Variants in CYP51A1 observed in about 807,000 individuals in gnomAD.
The protein encoded by CYP51A1 is lanosterol 14-alpha demethylase.
Under a neutral mutation model 53.5 loss-of-function variants are expected in CYP51A1, and 45 were observed. The ratio of observed to expected loss-of-function variants is 0.84; its 90% CI spans 0.66 to 1.08. The LOEUF (loss-of-function observed/expected upper bound fraction) is 1.08, where lower values mean the gene tolerates loss of function less well. Ranked by LOEUF, CYP51A1 falls within the 50% of genes least tolerant of loss-of-function variation. The probability of loss-of-function intolerance (pLI) is 0.00; values close to 1 mark genes in which losing one functional copy is unlikely to be tolerated. For synonymous variants in CYP51A1, 181 were observed against 217.7 expected, an observed-to-expected ratio of 0.83 and a Z score of 1.48; for missense variants, 462 against 621.7, an observed-to-expected ratio of 0.74 and a Z score of 2.73.
chr7:92,116,851 T>G (rs192129814), intron 9 of CYP51A1, among the ~76,000 whole-genome samples, 193 bp downstream of exon 9: 8 of 152,318 alleles, frequency 5.3e-5, no homozygotes, highest in African/African-American at 1.9e-4. Context: ...TATAAGGATT[T>G]ATGGAACAAT....
chr7:92,131,736 G>GTTTTT, intron 2 of CYP51A1, 38 bp downstream of exon 2: 4 of 873,174 alleles, frequency 4.6e-6, no homozygotes, highest in Admixed American at 2.7e-5. Context: ...TTCTCTAGTT[G>GTTTTT]TTTTTTTTTT....
intron 8 of CYP51A1, 23 bp downstream of exon 8, chr7:92,118,497 G>A (rs1819622562): frequency 1.6e-6 from 2 of 1,272,942 alleles, no homozygotes; most frequent in African/African-American, 1.5e-5. Flanking sequence ...GTATAGAGGG[G>A]AAGATGTAGC....
At chr7:92,128,428 C>CTCTCTGTGTGTGTGTGTGTG (rs112952169) in intron 3 of CYP51A1, among the ~76,000 whole-genome samples, 3 of 143,044 alleles carry the variant, frequency 2.1e-5, no homozygotes, top group African/African-American at 5.2e-5. Flanking sequence ...TGGTTGGTTT[C>CTCTCTGTGTGTGTGTGTGTG]TGTGTGTGTG....
chr7:92,127,467 G>A (rs1206216164), intron 4 of CYP51A1, 38 bp downstream of exon 4: 2 of 1,582,254 alleles, frequency 1.3e-6, no homozygotes, highest in Non-Finnish European at 8.6e-7. Context: ...TCACAGAGAA[G>A]TAGAAATGTT....
rs1819473531 is a variant in CYP51A1, at chr7:92,112,891, G to C, written c.*774C>G. 6.6e-6 allele frequency: 1 copy of C among 150,740 alleles called. No individual in the cohort carries two copies. The highest frequency in any genetic ancestry group is 1.5e-5 in the Non-Finnish European group (1 of 67,908). The allele number at this position is 150,740 out of a possible 1,614,324, so 9.3% of individuals were successfully genotyped here. A position where few individuals can be genotyped will look rare whatever the true frequency, so the allele number is the denominator to read the frequency against. On this transcript the variant is annotated 3_prime_UTR_variant, in exon 10 of 10. Coordinates refer to ENST00000003100, the MANE Select transcript of CYP51A1 (RefSeq NM_000786.4). ...AGCCAAAACAAAATTATCCCCTAAG[G>C]ACTTGACTTTGGACTTCCACATAAA...
intron 2 of CYP51A1, 29 bp from the exon 3 acceptor site, chr7:92,129,085 G>A: frequency 6.8e-7 from 1 of 1,481,122 alleles, no homozygotes; most frequent in Non-Finnish European, 9.1e-7. Flanking sequence ...ATATAGTGAT[G>A]TTACAAAAAA....
intron 7 of CYP51A1, among the ~76,000 whole-genome samples, chr7:92,121,535 T>C (rs1819694075): frequency 1.3e-5 from 2 of 152,180 alleles, no homozygotes; most frequent in African/African-American, 4.8e-5. Flanking sequence ...TAGAGCGGCA[T>C]TATTCATAAT....
In CYP51A1 at chr7:92,123,130, G is replaced by C. The variant is rs1237119184; in HGVS notation, c.1076C>G (p.Thr359Ser). 1.2e-6 allele frequency: 2 copies of C among 1,612,334 alleles called. No individual in the cohort carries two copies. The highest frequency in any genetic ancestry group is 8.5e-7 in the Non-Finnish European group (1 of 1,178,758). Residue 359 changes from threonine to serine, a missense_variant, in exon 7 of 10, where the codon ACT becomes AGT. Physicochemically the swap from Thr to Ser is moderately conservative, Grantham distance 58. Transcript: ENST00000003100. ...TVCGENLPPL[T>S]YDQLKDLNLL... ...AAAAATCCAACAAACCTGGTCATAA[G>C]TTAAAGGAGGCAGATTCTCTCCACA...
chr7:92,127,656 T>A, intron 3 of CYP51A1, 25 bp from the exon 4 acceptor site: 2 of 1,612,248 alleles, frequency 1.2e-6, no homozygotes, highest in Non-Finnish European at 1.7e-6. Flanking sequence ...AAAACGGGGA[T>A]ACGGCATTAA....
At position 92,113,286 on chromosome 7, in the gene CYP51A1, T is replaced by C. The variant is rs767215174; in HGVS notation, c.*379A>G. On this transcript the variant is annotated 3_prime_UTR_variant, in exon 10 of 10. Coordinates refer to ENST00000003100, the MANE Select transcript of CYP51A1 (RefSeq NM_000786.4). ...AGTATCTCACTGGGATTTTTATTCTTTATACCTTGCAGGACTAGTCCAAGA... is the reference window on the plus strand; with the variant it reads ...AGTATCTCACTGGGATTTTTATTCTCTATACCTTGCAGGACTAGTCCAAGA... The C allele has an allele frequency of 7.2e-5, 12 of 166,494 alleles. No homozygotes were observed. Among genetic ancestry groups the C allele is most frequent in the Non-Finnish European group, 7.7e-5 (6 of 78,178 alleles). 10.3% of individuals were successfully genotyped at this position (166,494 alleles called of 1,614,324 possible).
At chr7:92,122,978 G>C (rs1317774657) in intron 7 of CYP51A1, 142 bp downstream of exon 7, 2 of 639,458 alleles carry the variant, frequency 3.1e-6, no homozygotes, top group Non-Finnish European at 5.5e-6. Context: ...TTTTAGGTAA[G>C]GTTATAGGGA....
At chr7:92,116,710 G>A (rs948147592) in intron 9 of CYP51A1, among the ~76,000 whole-genome samples, 6 of 152,150 alleles carry the variant, frequency 3.9e-5, no homozygotes, top group Non-Finnish European at 7.3e-5. Context: ...CCTGAATGGT[G>A]TGCTGACTCC....
At chr7:92,131,161 G>A (rs1371886239) in intron 2 of CYP51A1, among the ~76,000 whole-genome samples, 1 of 152,218 alleles carries the variant, frequency 6.6e-6, no homozygotes, top group Non-Finnish European at 1.5e-5. Flanking sequence ...AAGATCCAAT[G>A]AGGTCAAAGA....
At chr7:92,122,947 A>G (rs191735660) in intron 7 of CYP51A1, among the ~76,000 whole-genome samples, 173 bp downstream of exon 7, 2 of 152,234 alleles carry the variant, frequency 1.3e-5, no homozygotes, top group Non-Finnish European at 2.9e-5. Flanking sequence ...CTTAATGGCA[A>G]GAAGCAATAA....
intron 7 of CYP51A1, among the ~76,000 whole-genome samples, chr7:92,120,579 G>A (rs571919209): frequency 9.2e-5 from 14 of 152,200 alleles, no homozygotes; most frequent in East Asian, 3.9e-4. Flanking sequence ...GTGCCACTGC[G>A]CCTGGCTATA....
intron 8 of CYP51A1, 187 bp from the exon 9 acceptor site, chr7:92,117,399 AC>A: frequency 2.0e-6 from 1 of 509,642 alleles, no homozygotes; most frequent in Non-Finnish European, 3.4e-6. Flanking sequence ...TAAATCAAGA[AC>A]CATCTGTACA....
At chr7:92,128,428 C>CTCTGTGTGTGTG (rs112952169) in intron 3 of CYP51A1, among the ~76,000 whole-genome samples, 2,654 of 143,082 alleles carry the variant, frequency 0.019, 90 homozygotes, top group African/African-American at 0.044. Flanking sequence ...TGGTTGGTTT[C>CTCTGTGTGTGTG]TGTGTGTGTG....
Position 92,134,453 on chromosome 7 carries a change from G to C in CYP51A1, c.-89C>G, listed in dbSNP as rs1357351271. 4.3e-6 allele frequency: 6 copies of C among 1,388,586 alleles called. No homozygotes were observed. In the African/African-American group the frequency reaches 5.9e-5, roughly 14 times the overall value. The allele number at this position is 1,388,586 out of a possible 1,614,324, so 86.0% of individuals were successfully genotyped here. On this transcript the variant is annotated 5_prime_UTR_variant, in exon 1 of 10. Transcript: ENST00000003100. ...GAAGCTGGCAGATGGTCGTCCACAG[G>C]GGGCCTTGCCCCAGGTCTCCTACTA...
intron 9 of CYP51A1, among the ~76,000 whole-genome samples, chr7:92,114,750 A>G (rs1217352456): frequency 6.6e-6 from 1 of 152,222 alleles, no homozygotes; most frequent in Non-Finnish European, 1.5e-5. Context: ...AAATTTTAAG[A>G]CAGGGCCAGA....
Sources: allele counts gnomAD v4.1 joint callset (sites outside exome capture counted in the v4.1 genomes callset), GRCh38; gene constraint gnomAD v4.1.1; transcripts MANE v1.5; gene names NCBI Gene and HGNC (gene_info 2026-07-23, HGNC 2026-07-21).